Variants in DEFB110 observed in about 807,000 individuals in gnomAD.
The protein encoded by DEFB110 is beta-defensin 110.
Under a neutral mutation model 2.5 loss-of-function variants are expected in DEFB110, and 4 were observed. That is an observed-to-expected ratio of 1.60 (90% confidence interval 0.79 to 3.66). The LOEUF (loss-of-function observed/expected upper bound fraction) is 3.66, where lower values mean the gene tolerates loss of function less well. Ranked by LOEUF, DEFB110 falls within the 30% of genes most tolerant of loss-of-function variation. The probability of loss-of-function intolerance (pLI) is 0.01; values close to 1 mark genes in which losing one functional copy is unlikely to be tolerated. For missense variants in DEFB110, 94 were observed against 75.4 expected, an observed-to-expected ratio of 1.25 and a Z score of -0.91; for synonymous variants, 29 against 21.8, an observed-to-expected ratio of 1.33 and a Z score of -0.92.
intron 1 of DEFB110, 72 bp downstream of exon 1, chr6:50,021,809 T>TG: frequency 7.2e-7 from 1 of 1,380,520 alleles, no homozygotes; most frequent in East Asian, 2.5e-5. Flanking sequence ...TATTATCATA[T>TG]TTTTTATCAA....
intron 1 of DEFB110, among the ~76,000 whole-genome samples, chr6:50,013,651 T>C (rs1774268282): frequency 6.6e-6 from 1 of 151,778 alleles, no homozygotes; most frequent in African/African-American, 2.4e-5. Context: ...ATAATTAAGT[T>C]AATGAAACTT....
At chr6:50,019,177 A>G (rs987923087) in intron 1 of DEFB110, 52 bp from the exon 2 acceptor site, 1 of 1,561,854 alleles carries the variant, frequency 6.4e-7, no homozygotes, top group Non-Finnish European at 8.7e-7. Context: ...TGACACATCC[A>G]TGTTTTAAAA....
intron 1 of DEFB110, among the ~76,000 whole-genome samples, chr6:50,010,272 T>A (rs2113936309): frequency 6.6e-6 from 1 of 152,096 alleles, no homozygotes; most frequent in African/African-American, 2.4e-5. Flanking sequence ...AATTCAGATT[T>A]AAATTATGTA....
chr6:50,019,089 A>C lies in DEFB110; in HGVS notation c.92T>G (p.Leu31Trp). 6.2e-7 allele frequency: 1 copy of C among 1,613,054 alleles called. No individual in the cohort carries two copies. The highest frequency in any genetic ancestry group is 1.3e-5 in the African/African-American group (1 of 74,980). ...KKYPEYGSLD[L>W]RRECRIGNGQ... is the part of the protein sequence containing the mutation. ...ATTACCTATTCTGCACTCTCTCCTCAAGTCCAAGCTACCATACTCAGGATA... is the reference window on the plus strand; with the variant it reads ...ATTACCTATTCTGCACTCTCTCCTCCAGTCCAAGCTACCATACTCAGGATA... Residue 31 changes from leucine (L) to tryptophan (W), a missense_variant, in exon 2 of 2, where the codon TTG becomes TGG. Coordinates refer to ENST00000371148, the MANE Select transcript of DEFB110 (RefSeq NM_001037497.2).
chr6:50,016,979 T>C (rs1774330481), downstream of DEFB110, among the ~76,000 whole-genome samples: 1 of 151,722 alleles, frequency 6.6e-6, no homozygotes, highest in Non-Finnish European at 1.5e-5. Flanking sequence ...AAATCTCTCA[T>C]CTTCTTGGTG....
rs2113942189 is a variant in DEFB110 at position 50,019,030 on chromosome 6, T to A, written c.151A>T (p.Ile51Phe). 4 of 1,613,206 alleles carry A rather than the reference T, an allele frequency of 2.5e-6. No homozygotes were observed. The Middle Eastern group carries it at 5.0e-4, about 200-fold the overall frequency. ...QCKNQCHENE[I>F]RIAYCIRPGT... ...GGTCTTATGCAGTAAGCAATCCTAA[T>A]TTCATTTTCATGACACTGATTTTTA... Residue 51 changes from isoleucine (I) to phenylalanine (F), a missense_variant, in exon 2 of 2, where the codon ATT becomes TTT. By Grantham distance (21) the Ile-to-Phe change is conservative (BLOSUM62 0). Transcript: ENST00000371148.
intron 1 of DEFB110, among the ~76,000 whole-genome samples, chr6:50,012,342 G>T (rs1774241400): frequency 6.6e-6 from 1 of 151,776 alleles, no homozygotes; most frequent in Non-Finnish European, 1.5e-5. Context: ...ATAGGAAAAT[G>T]CTTGAAACAA....
At chr6:50,010,575 G>C (rs1305797176) in intron 1 of DEFB110, among the ~76,000 whole-genome samples, 1 of 150,076 alleles carries the variant, frequency 6.7e-6, no homozygotes, top group African/African-American at 2.4e-5. Context: ...ACATATATAT[G>C]ACATGTAAAT....
intron 1 of DEFB110, among the ~76,000 whole-genome samples, chr6:50,012,604 A>ATTGT (rs1012099565): frequency 1.3e-5 from 2 of 151,948 alleles, no homozygotes; most frequent in Admixed American, 1.3e-4. Flanking sequence ...ATAAGGAAAA[A>ATTGT]TTGTTTGGCC....
Position 50,018,960 on chromosome 6 carries a change from CTT to C in DEFB110, c.*15_*16del. On this transcript the variant is annotated 3_prime_UTR_variant, in exon 2 of 2. Coordinates refer to ENST00000371148, the MANE Select transcript of DEFB110 (RefSeq NM_001037497.2). The stretch of plus-strand genomic sequence containing the variant: ...GTCTCTCTTCTTGGAGCTTGTGACT[CTT>C]TTCTTCTGTCATCGTTACTGCTGCA... The C allele has an allele frequency of 6.2e-7, 1 of 1,602,746 alleles. No homozygotes were observed. Among genetic ancestry groups the C allele is most frequent in the South Asian group, 1.1e-5 (1 of 89,132 alleles).
chr6:50,016,226 G>T (rs972818771), downstream of DEFB110, among the ~76,000 whole-genome samples: 1 of 151,770 alleles, frequency 6.6e-6, no homozygotes, highest in African/African-American at 2.4e-5. Flanking sequence ...GAATTTGACG[G>T]TGATAAATCT....
intron 1 of DEFB110, among the ~76,000 whole-genome samples, chr6:50,011,594 G>A (rs558974134): frequency 2.0e-5 from 3 of 152,148 alleles, no homozygotes; most frequent in Non-Finnish European, 2.9e-5. Context: ...GCTTAAAAGC[G>A]CAGTGGTCTC....
intron 1 of DEFB110, 56 bp from the exon 2 acceptor site, chr6:50,019,181 T>C: frequency 6.4e-7 from 1 of 1,553,508 alleles, no homozygotes; most frequent in Non-Finnish European, 8.7e-7. Flanking sequence ...ACATCCATGT[T>C]TTAAAAGGAG....
At chr6:50,012,948 A>C (rs1469949440) in intron 1 of DEFB110, among the ~76,000 whole-genome samples, 1 of 151,910 alleles carries the variant, frequency 6.6e-6, no homozygotes, top group East Asian at 1.9e-4. Flanking sequence ...ATGTCCTTGC[A>C]TCACAAAATA....
chr6:50,009,548 G>A (rs1359907910), intron 1 of DEFB110, among the ~76,000 whole-genome samples: 1 of 152,142 alleles, frequency 6.6e-6, no homozygotes, highest in Non-Finnish European at 1.5e-5. Context: ...ACGAGAAAGT[G>A]ACACACAATT....
intron 1 of DEFB110, among the ~76,000 whole-genome samples, chr6:50,013,346 A>G (rs1774263841): frequency 6.6e-6 from 1 of 151,866 alleles, no homozygotes; most frequent in African/African-American, 2.4e-5. Flanking sequence ...ATGTATCCTA[A>G]ACATAGATAC....
At chr6:50,017,697 T>C (rs1217438168), downstream of DEFB110, among the ~76,000 whole-genome samples, 2 of 151,874 alleles carry the variant, frequency 1.3e-5, no homozygotes, top group Admixed American at 6.6e-5. Flanking sequence ...GTAAATTTTA[T>C]CTGAGTGGAG....
chr6:50,018,931 G>T lies in DEFB110; in HGVS notation c.*46C>A, dbSNP rs13437462. 1.3e-6 allele frequency: 2 copies of T among 1,574,626 alleles called. No individual in the cohort carries two copies. Among genetic ancestry groups the T allele is most frequent in the Non-Finnish European group, 1.7e-6 (2 of 1,163,226 alleles). ...GGATGTGCTGGGAAAACTTAATAAC[G>T]CTGGTCTCTCTTCTTGGAGCTTGTG... On this transcript the variant is annotated 3_prime_UTR_variant, in exon 2 of 2. Transcript: ENST00000371148.
intron 1 of DEFB110, among the ~76,000 whole-genome samples, chr6:50,013,311 T>C (rs1774263336): frequency 6.6e-6 from 1 of 151,770 alleles, no homozygotes; most frequent in Admixed American, 6.6e-5. Flanking sequence ...CCTGAAATTG[T>C]GGAGAAGGTC....
Sources: allele counts gnomAD v4.1 joint callset (sites outside exome capture counted in the v4.1 genomes callset), GRCh38; gene constraint gnomAD v4.1.1; transcripts MANE v1.5; gene names NCBI Gene and HGNC (gene_info 2026-07-23, HGNC 2026-07-21).